PNPLA7: variants seen among roughly 807,000 people sequenced by gnomAD.
PNPLA7 encodes patatin like domain 7, lysophospholipase.
Under a neutral mutation model 161.7 loss-of-function variants are expected in PNPLA7, and 153 were observed. The observed-to-expected ratio is 0.95, with a 90% CI of 0.83 to 1.08. The LOEUF (loss-of-function observed/expected upper bound fraction) is 1.08. Among genes scored for constraint, PNPLA7 ranks in the 50% least tolerant of loss-of-function variants. PNPLA7 has a pLI of 0.00. For synonymous variants in PNPLA7, 809 were observed against 782.1 expected, an observed-to-expected ratio of 1.03 and a Z score of -0.57; for missense variants, 1,739 against 1,856.6, an observed-to-expected ratio of 0.94 and a Z score of 1.16.
intron 1 of PNPLA7, among the ~76,000 whole-genome samples, chr9:137,549,427 G>A (rs145693049): frequency 0.01 from 1,563 of 152,248 alleles, 22 homozygotes; most frequent in African/African-American, 0.035. Flanking sequence ...AATATTAGCC[G>A]GGCGTGGTGG....
chr9:137,512,485 G>A (rs896969483), intron 12 of PNPLA7, among the ~76,000 whole-genome samples: 1 of 152,272 alleles, frequency 6.6e-6, no homozygotes, highest in Admixed American at 6.5e-5. Context: ...AACCAGACAT[G>A]GCTGCTGGTG....
intron 26 of PNPLA7, among the ~76,000 whole-genome samples, chr9:137,465,884 A>G (rs1368359383): frequency 1.3e-5 from 2 of 152,148 alleles, no homozygotes; most frequent in Admixed American, 1.3e-4. Flanking sequence ...CTGCTGGGGA[A>G]CGGAGCCTGG....
chr9:137,501,866 T>A, intron 14 of PNPLA7, 139 bp from the exon 15 acceptor site: 1 of 832,678 alleles, frequency 1.2e-6, no homozygotes, highest in Non-Finnish European at 1.9e-6. Flanking sequence ...GAGGCTGTCC[T>A]CCAACAAGGG....
intron 7 of PNPLA7, among the ~76,000 whole-genome samples, chr9:137,542,357 G>C (rs906390835): frequency 6.6e-6 from 1 of 152,094 alleles, no homozygotes; most frequent in African/African-American, 2.4e-5. Flanking sequence ...TGTAATCCCA[G>C]CTACTCGAGA....
At position 137,481,517 on chromosome 9, in the gene PNPLA7, G is replaced by A. The variant is rs187985063; in HGVS notation, c.2348-494C>T. 7.0e-3 allele frequency among the ~76,000 whole-genome samples: 1,073 copies of A among 152,294 alleles called. 8 individuals carry two copies. Among genetic ancestry groups the A allele is most frequent in the Non-Finnish European group, 0.011 (776 of 68,022 alleles). ...GTCAGGGCCCTTCTCAACCAGGGGCGCCAGTGTCAGCCCTGGCATCACAGC... is the reference window on the plus strand; with the variant it reads ...GTCAGGGCCCTTCTCAACCAGGGGCACCAGTGTCAGCCCTGGCATCACAGC... On this transcript the variant is annotated intron_variant, in intron 21 of 34. Coordinates refer to ENST00000406427, the MANE Select transcript of PNPLA7 (RefSeq NM_001098537.3).
In PNPLA7 at chr9:137,540,812, G is replaced by C; in HGVS notation, c.667-90C>G. The C allele has an allele frequency of 8.4e-7, 1 of 1,185,622 alleles. No individual in the cohort carries two copies. The highest frequency in any genetic ancestry group is 1.2e-6 in the Non-Finnish European group (1 of 824,982). The allele number at this position is 1,185,622 out of a possible 1,614,324, so 73.4% of individuals were successfully genotyped here. On this transcript the variant is annotated intron_variant, in intron 7 of 34. Transcript: ENST00000406427. This position sits in a 1 kb window ranked among gnomAD's most constrained non-coding sequence, Gnocchi z 5.1. ...GCTCAGCCCAGCCCAGGGCAGTGGG[G>C]CCACGGGCCTGCACCTCTGAGGCGC... is the stretch of plus-strand genomic sequence containing the variant.
In PNPLA7 at chr9:137,486,865, C is replaced by T. The variant is rs1284632248; in HGVS notation, c.2198-2129G>A. 6.6e-6 allele frequency among the ~76,000 whole-genome samples: 1 copy of T among 152,166 alleles called. No individual in the cohort carries two copies. Among genetic ancestry groups the T allele is most frequent in the Non-Finnish European group, 1.5e-5 (1 of 68,018 alleles). ...GCCAGAGTCTGCAGCCTCAGCCCAT[C>T]TGCGGTCCCTGAGAGCTGCTGGTGA... On this transcript the variant is annotated intron_variant, in intron 20 of 34. Transcript: ENST00000406427. This position sits in a 1 kb window ranked among gnomAD's most constrained non-coding sequence, Gnocchi z 6.0.
intron 11 of PNPLA7, among the ~76,000 whole-genome samples, chr9:137,517,745 CCCG>C (rs1834688938): frequency 1.7e-5 from 1 of 60,572 alleles, no homozygotes; most frequent in Non-Finnish European, 3.1e-5. Context: ...CACTCCATCC[CCCG>C]TCACTCACTC....
chr9:137,480,654 C>G, intron 22 of PNPLA7, 174 bp from the exon 23 acceptor site: 1 of 789,568 alleles, frequency 1.3e-6, no homozygotes, highest in Non-Finnish European at 2.0e-6. Flanking sequence ...CCTAGGCAGT[C>G]ACGCAGAGGC....
At chr9:137,544,253 C>T (rs2132643879) in intron 4 of PNPLA7, among the ~76,000 whole-genome samples, 1 of 152,344 alleles carries the variant, frequency 6.6e-6, no homozygotes, top group East Asian at 1.9e-4. Context: ...AACAGTCTTC[C>T]TCCCTTTTCT....
chr9:137,473,990 G>A (rs1831827028), intron 25 of PNPLA7, among the ~76,000 whole-genome samples: 1 of 152,204 alleles, frequency 6.6e-6, no homozygotes, highest in Non-Finnish European at 1.5e-5. Flanking sequence ...TGTAATCCCG[G>A]CACTTTGTGA....
At chr9:137,493,224 C>A in intron 19 of PNPLA7, 142 bp from the exon 20 acceptor site, 1 of 846,856 alleles carries the variant, frequency 1.2e-6, no homozygotes, top group East Asian at 2.6e-5. Flanking sequence ...CTGAGTTGCA[C>A]ATGACTCACA....
At chr9:137,513,679 A>G (rs1332250841) in intron 12 of PNPLA7, among the ~76,000 whole-genome samples, 1 of 152,158 alleles carries the variant, frequency 6.6e-6, no homozygotes, top group African/African-American at 2.4e-5. Flanking sequence ...CATGGACAAG[A>G]GGGAAGAGAA....
At position 137,540,635 on chromosome 9, in the gene PNPLA7, G is replaced by T. The variant is rs3750382; in HGVS notation, c.747+7C>A. ...GCGCCCGGAGGGCCAGGCAGCGGGG[G>T]ACTCACGGTGATGATGTCCAGGATG... is the stretch of plus-strand genomic sequence containing the variant. On this transcript the variant is annotated splice_region_variant and intron_variant, in intron 8 of 34. Coordinates refer to ENST00000406427, the MANE Select transcript of PNPLA7 (RefSeq NM_001098537.3). This position sits in a 1 kb window ranked among gnomAD's most constrained non-coding sequence, Gnocchi z 5.1. The T allele has an allele frequency of 2.0e-5, 32 of 1,607,760 alleles. No homozygotes were observed. The highest frequency in any genetic ancestry group is 2.7e-5 in the Non-Finnish European group (32 of 1,177,650).
At chr9:137,535,975 A>C (rs1835866399) in intron 8 of PNPLA7, among the ~76,000 whole-genome samples, 1 of 151,546 alleles carries the variant, frequency 6.6e-6, no homozygotes, top group East Asian at 2.0e-4. Flanking sequence ...ACATGGTGAA[A>C]CCCCGTCTCT....
Position 137,490,196 on chromosome 9 carries a change from C to T in PNPLA7, c.2197+2817G>A, listed in dbSNP as rs1168301352. ...GTAACCTCGAACTCCGAGGCCCAAACGATCCTCCCACCTCAACCCTCTGCA... is the reference window on the plus strand; with the variant it reads ...GTAACCTCGAACTCCGAGGCCCAAATGATCCTCCCACCTCAACCCTCTGCA... On this transcript the variant is annotated intron_variant, in intron 20 of 34. Coordinates refer to ENST00000406427, the MANE Select transcript of PNPLA7 (RefSeq NM_001098537.3). This position sits in a 1 kb window ranked among gnomAD's most constrained non-coding sequence, Gnocchi z 4.1. Among the ~76,000 whole-genome samples, 3 of 152,218 alleles carry T rather than the reference C, an allele frequency of 2.0e-5. No individual in the cohort carries two copies. Among genetic ancestry groups the T allele is most frequent in the Non-Finnish European group, 4.4e-5 (3 of 68,038 alleles).
Position 137,542,767 on chromosome 9 carries a change from C to T in PNPLA7, c.541G>A (p.Glu181Lys), listed in dbSNP as rs550410154. The change falls in exon 7 of 35, where the codon GAG (glutamate) becomes AAG (lysine). Residue 181 changes from glutamate to lysine, a missense_variant. Physicochemically the swap from Glu to Lys is moderately conservative, Grantham distance 56 (BLOSUM62 1). Around this residue, in one of 6 missense-constraint regions of PNPLA7, gnomAD observed 209 missense variants for 252.8 expected, o/e 0.83. Coordinates refer to ENST00000406427, the MANE Select transcript of PNPLA7 (RefSeq NM_001098537.3). ...LGHFEKPLFL[E>K]LCKHIVFVQL... ...ACAAAGACGATGTGTTTGCAAAGCT[C>T]CAGGAACAGCGGCTTCTCAAAGTGG... The T allele has an allele frequency of 6.2e-7, 1 of 1,613,746 alleles. No homozygotes were observed. Among genetic ancestry groups the T allele is most frequent in the African/African-American group, 1.3e-5 (1 of 75,042 alleles).
At position 137,490,384 on chromosome 9, in the gene PNPLA7, T is replaced by C. The variant is rs1285255122; in HGVS notation, c.2197+2629A>G. Among the ~76,000 whole-genome samples, 1 of 152,166 alleles carries C rather than the reference T, an allele frequency of 6.6e-6. No individual in the cohort carries two copies. The highest frequency in any genetic ancestry group is 1.5e-5 in the Non-Finnish European group (1 of 68,024). ...AGTGCTGGGATGAGGTGTAAGACAC[T>C]GTGCCTGGTCAAAACATTCTTGAAC... is the stretch of plus-strand genomic sequence containing the variant. On this transcript the variant is annotated intron_variant, in intron 20 of 34. Transcript: ENST00000406427. The surrounding 1 kb of genome is among the most constrained non-coding windows in gnomAD (Gnocchi z 4.1).
Position 137,546,910 on chromosome 9 carries a change from C to T in PNPLA7, c.194-1G>A, listed in dbSNP as rs1371537421. ...TACTGAGGAGTGGGCTGTGCTTGTC[C>T]TGCAGGGGAGTAAAGGGATGGCCTG... On this transcript the variant is annotated splice_acceptor_variant, in intron 3 of 34. Transcript: ENST00000406427. LOFTEE classifies it high-confidence loss of function. 1 of 1,613,792 alleles carries T rather than the reference C, an allele frequency of 6.2e-7. No homozygotes were observed. Among genetic ancestry groups the T allele is most frequent in the African/African-American group, 1.3e-5 (1 of 75,070 alleles).
Sources: allele counts gnomAD v4.1 joint callset (sites outside exome capture counted in the v4.1 genomes callset), GRCh38; gene constraint gnomAD v4.1.1; regional missense constraint gnomAD v4.1.1; non-coding constraint Gnocchi (gnomAD v3.1); transcripts MANE v1.5; gene names NCBI Gene and HGNC (gene_info 2026-07-23, HGNC 2026-07-21).